The following ANKRD26 variants were observed in gnomAD, a reference collection of about 807,000 sequenced individuals.
ANKRD26 encodes ankyrin repeat domain-containing protein 26.
ANKRD26 carries 141 observed loss-of-function variants against 208.7 expected under a neutral mutation model. That is an observed-to-expected ratio of 0.68 (90% CI 0.59 to 0.78). ANKRD26 has a LOEUF of 0.78. Ranked by LOEUF, ANKRD26 falls within the 30% of genes least tolerant of loss-of-function variation. The pLI is 0.00. For synonymous variants in ANKRD26, 636 were observed against 660.4 expected (o/e 0.96, Z 0.57); for missense variants, 1,889 against 1,938.7 (o/e 0.97, Z 0.48).
chr10:27,082,912 T>C, intron 5 of ANKRD26, 79 bp from the exon 6 acceptor site: 1 of 1,508,122 alleles, frequency 6.6e-7, no homozygotes. Context: ...GACTGATAGT[T>C]TGTTACAAAG....
chr10:26,979,785 C>T lies in ANKRD26; in HGVS notation c.*281+791G>A, dbSNP rs578201832. 2.0e-5 allele frequency among the ~76,000 whole-genome samples: 3 copies of T among 152,294 alleles called. No homozygotes were observed. The South Asian group carries it at 6.2e-4, about 32-fold the overall frequency. On this transcript the variant is annotated intron_variant and NMD_transcript_variant, in intron 5 of 5. Transcript: ENST00000674670. ...GGCTTCCACTTCCACCTAAAGCAGTCCTGTTTAAGGTGTCTTGGTCTTTTA... is the reference window on the plus strand; with the variant it reads ...GGCTTCCACTTCCACCTAAAGCAGTTCTGTTTAAGGTGTCTTGGTCTTTTA...
intron 31 of ANKRD26, 40 bp downstream of exon 31, chr10:27,014,454 G>A: frequency 7.1e-7 from 1 of 1,401,508 alleles, no homozygotes. Context: ...GCAAATTAAT[G>A]AGCTTAATTT....
At chr10:26,979,118 G>A (rs2052270147) in intron 5 of ANKRD26, among the ~76,000 whole-genome samples, 1 of 152,170 alleles carries the variant, frequency 6.6e-6, no homozygotes, top group Non-Finnish European at 1.5e-5. Flanking sequence ...TACTCCGGAG[G>A]CTGAGGCAGG....
At chr10:26,999,718 C>CT (rs1334080036), downstream of ANKRD26, among the ~76,000 whole-genome samples, 1 of 143,398 alleles carries the variant, frequency 7.0e-6, no homozygotes, top group African/African-American at 2.6e-5. Context: ...GCATGGTGCT[C>CT]TTTTTTCCTT....
the ANKRD26 span, among the ~76,000 whole-genome samples, chr10:26,965,076 A>G: frequency 6.6e-6 from 1 of 152,200 alleles, no homozygotes; most frequent in African/African-American, 2.4e-5. Context: ...TATAGATTCA[A>G]TGCCATCCCC....
At chr10:27,001,306 T>G (rs1483337555), downstream of ANKRD26, among the ~76,000 whole-genome samples, 2 of 152,070 alleles carry the variant, frequency 1.3e-5, no homozygotes, top group African/African-American at 2.4e-5. Context: ...GCATCACTGA[T>G]GGAGTAATAT....
chr10:27,007,695 T>C (rs543860988), intron 32 of ANKRD26, among the ~76,000 whole-genome samples: 1 of 152,220 alleles, frequency 6.6e-6, no homozygotes, highest in African/African-American at 2.4e-5. Context: ...TTGTCTACTT[T>C]TAGAGAATTA....
downstream of ANKRD26, among the ~76,000 whole-genome samples, chr10:27,002,942 T>C (rs2134757063): frequency 6.6e-6 from 1 of 152,284 alleles, no homozygotes; most frequent in East Asian, 1.9e-4. Flanking sequence ...TTTCCTAATA[T>C]ATGTAGAGCT....
At chr10:26,960,069 C>T in the ANKRD26 span, among the ~76,000 whole-genome samples, 1 of 151,382 alleles carries the variant, frequency 6.6e-6, no homozygotes, top group Non-Finnish European at 1.5e-5. Context: ...AGCTGAGACA[C>T]GAGAATCACT....
At chr10:26,982,259 G>A (rs1487884222) in intron 4 of ANKRD26, among the ~76,000 whole-genome samples, 3 of 152,116 alleles carry the variant, frequency 2.0e-5, no homozygotes, top group Non-Finnish European at 4.4e-5. Flanking sequence ...TTTCTTCTGG[G>A]CAAACTGTGA....
intron 1 of ANKRD26, among the ~76,000 whole-genome samples, chr10:27,099,036 G>A (rs1281563729): frequency 6.6e-6 from 1 of 151,948 alleles, no homozygotes; most frequent in African/African-American, 2.4e-5. Flanking sequence ...TGTTGCCCAG[G>A]CTGGAGTGCA....
chr10:27,013,531 T>C (rs2053187837), intron 31 of ANKRD26, among the ~76,000 whole-genome samples: 1 of 152,202 alleles, frequency 6.6e-6, no homozygotes. Context: ...CATTTCACCA[T>C]GTACAAATAT....
intron 18 of ANKRD26, among the ~76,000 whole-genome samples, chr10:27,045,321 G>A (rs1379496945): frequency 6.6e-6 from 1 of 151,958 alleles, no homozygotes; most frequent in African/African-American, 2.4e-5. Context: ...CTACTTGGGA[G>A]GCTGAGGCAT....
intron 32 of ANKRD26, among the ~76,000 whole-genome samples, chr10:27,011,668 A>C (rs2053117017): frequency 6.6e-6 from 1 of 152,184 alleles, no homozygotes; most frequent in South Asian, 2.1e-4. Context: ...GCAAGACAAA[A>C]CTAAGCTAAC....
At chr10:26,989,889 G>A (rs2052455229), downstream of ANKRD26, among the ~76,000 whole-genome samples, 1 of 152,128 alleles carries the variant, frequency 6.6e-6, no homozygotes, top group Non-Finnish European at 1.5e-5. Context: ...GGGGTAAAGT[G>A]GGGGTGTAAA....
In ANKRD26 at chr10:27,077,681, G is replaced by A. The variant is rs758179353; in HGVS notation, c.826C>T (p.Pro276Ser). The A allele has an allele frequency of 1.1e-5, 18 of 1,612,508 alleles. No homozygotes were observed. The highest frequency in any genetic ancestry group is 3.3e-5 in the Admixed American group (2 of 59,978). ...GCAGTCATTAGCTTTGCTAAGCTTG[G>A]TTTTGGGACATTCTAGAAAACAAAA... ...LNFDTKNVPK[P>S]SLAKLMTASQ... Residue 276 changes from proline (P) to serine (S), a missense_variant, in exon 8 of 34, where the codon CCA (proline) becomes TCA (serine). By Grantham distance (74) the Pro-to-Ser change is moderately conservative (BLOSUM62 -1). Transcript: ENST00000376087.
rs1379905643 is a variant in ANKRD26 at position 26,983,025 on chromosome 10, T to A, written c.490-212A>T. The stretch of plus-strand genomic sequence containing the variant: ...TTCCTCTAAGATATAAATCCAAAAT[T>A]CAGTTTTGATTGTGGCAAAGGTTCC... On this transcript the variant is annotated intron_variant and NMD_transcript_variant, in intron 3 of 5. Transcript: ENST00000674670. Among the ~76,000 whole-genome samples, 4 of 152,166 alleles carry A rather than the reference T, an allele frequency of 2.6e-5. No homozygotes were observed. In the East Asian group the frequency reaches 7.7e-4, roughly 29 times the overall value.
At chr10:26,950,443 CTCATGTTGAGGTG>C in the ANKRD26 span, among the ~76,000 whole-genome samples, 1 of 129,176 alleles carries the variant, frequency 7.7e-6, no homozygotes, top group Non-Finnish European at 1.7e-5. Context: ...TACTAATATA[CTCATGTTGAGGTG>C]TAATCCCCAA....
intron 17 of ANKRD26, 76 bp from the exon 18 acceptor site, chr10:27,046,599 A>C (rs1398968539): frequency 2.2e-6 from 3 of 1,373,164 alleles, no homozygotes; most frequent in Non-Finnish European, 3.0e-6. Context: ...AAGAGAGTTA[A>C]GGAAAAGAAA....
Sources: gnomAD v4.1 joint callset for allele counts (sites outside exome capture counted in the v4.1 genomes callset) on GRCh38, gnomAD v4.1.1 for gene constraint, MANE v1.5 for transcripts, NCBI Gene and HGNC (gene_info 2026-07-23, HGNC 2026-07-21) for gene names.